Variants in EDARADD observed in about 807,000 individuals in gnomAD.
EDARADD encodes the protein ectodysplasin-A receptor-associated adapter protein.
A neutral mutation model predicts 25.6 loss-of-function variants in EDARADD; 20 were observed. That is an observed-to-expected ratio of 0.78 (90% CI 0.55 to 1.14). EDARADD has a LOEUF of 1.14. EDARADD is among the 50% of genes most tolerant of loss of function. EDARADD has a pLI of 0.00. For synonymous variants in EDARADD, 86 were observed against 94.4 expected (o/e 0.91, Z 0.52); for missense variants, 225 against 270.1 (o/e 0.83, Z 1.17).
chr1:236,402,549 C>G (rs1667632056), intron 1 of EDARADD, among the ~76,000 whole-genome samples: 1 of 151,962 alleles, frequency 6.6e-6, no homozygotes. Flanking sequence ...AGAGTGAAAC[C>G]CTGTCTCAAA....
rs1182513397 is a variant in EDARADD at position 236,394,421 on chromosome 1, TAAG to T, written c.-20_-18del. ...TCTTCCATGGCAAACTCCAGAGAAT[TAAG>T]AAGCCAAACTCAACATCGCCATGGG... On this transcript the variant is annotated 5_prime_UTR_variant, in exon 1 of 6. Transcript: ENST00000334232. The T allele has an allele frequency of 1.2e-6, 2 of 1,613,932 alleles. No homozygotes were observed. The highest frequency in any genetic ancestry group is 1.7e-6 in the Non-Finnish European group (2 of 1,179,834).
intron 4 of EDARADD, among the ~76,000 whole-genome samples, chr1:236,453,824 G>T (rs1385027655): frequency 1.3e-5 from 2 of 152,124 alleles, no homozygotes; most frequent in Admixed American, 6.5e-5. Flanking sequence ...TATCCCCATT[G>T]TTAAGGGACA....
chr1:236,483,139 T>C lies in EDARADD; in HGVS notation c.*490T>C, dbSNP rs879127370. ...CACCCTCCACTTCTCTCCTAGGCAA[T>C]GAGACCCAGTGGCTAGAAATTCACC... On this transcript the variant is annotated 3_prime_UTR_variant, in exon 6 of 6. Coordinates refer to ENST00000334232, the MANE Select transcript of EDARADD (RefSeq NM_145861.4). 1.4e-6 allele frequency: 2 copies of C among 1,445,832 alleles called. No homozygotes were observed. Among genetic ancestry groups the C allele is most frequent in the South Asian group, 1.1e-5 (1 of 87,502 alleles). 89.6% of individuals were successfully genotyped at this position (1,445,832 alleles called of 1,614,324 possible).
chr1:236,395,502 C>G lies in EDARADD; in HGVS notation c.61+997C>G. On this transcript the variant is annotated intron_variant, in intron 1 of 5. Transcript: ENST00000334232. The surrounding 1 kb of genome is among the most constrained non-coding windows in gnomAD (Gnocchi z 6.9). ...GAAGGCGGAGGAGGGCAGGGGCGCG[C>G]AGAGCCACGGTTTGCTCCAGGCGCG... 2 of 1,525,442 alleles carry G rather than the reference C, an allele frequency of 1.3e-6. No individual in the cohort carries two copies. Among genetic ancestry groups the G allele is most frequent in the Non-Finnish European group, 1.8e-6 (2 of 1,140,218 alleles). The allele number at this position is 1,525,442 out of a possible 1,614,324, so 94.5% of individuals were successfully genotyped here. A position where few individuals can be genotyped will look rare whatever the true frequency, so the allele number is the denominator to read the frequency against.
At chr1:236,409,721 C>A (rs1218294593) in intron 2 of EDARADD, among the ~76,000 whole-genome samples, 2 of 151,042 alleles carry the variant, frequency 1.3e-5, no homozygotes, top group Non-Finnish European at 2.9e-5. Context: ...GCCACCATGC[C>A]TGGCTAATTT....
At chr1:236,459,121 A>T (rs1445048683) in intron 4 of EDARADD, among the ~76,000 whole-genome samples, 1 of 152,066 alleles carries the variant, frequency 6.6e-6, no homozygotes, top group Non-Finnish European at 1.5e-5. Flanking sequence ...GTGTCTGTGG[A>T]TGCATTTCCT....
In EDARADD at chr1:236,484,664, C is replaced by T. The variant is rs1040484124; in HGVS notation, c.*2015C>T. 2.0e-5 allele frequency: 9 copies of T among 457,960 alleles called. No individual in the cohort carries two copies. Among genetic ancestry groups the T allele is most frequent in the East Asian group, 4.1e-5 (1 of 24,508 alleles). 28.4% of individuals were successfully genotyped at this position (457,960 alleles called of 1,614,324 possible). ...AGCAGGTTGCAGTGAGCCGAGATTG[C>T]GCCACTGCACACCAGTCTGGAGACA... is the stretch of plus-strand genomic sequence containing the variant. On this transcript the variant is annotated 3_prime_UTR_variant, in exon 6 of 6. Coordinates refer to ENST00000334232, the MANE Select transcript of EDARADD (RefSeq NM_145861.4). The surrounding 1 kb of genome is among the most constrained non-coding windows in gnomAD (Gnocchi z 4.1).
At chr1:236,364,235 C>A (rs932877928) in intron 3 of EDARADD, among the ~76,000 whole-genome samples, 3 of 152,048 alleles carry the variant, frequency 2.0e-5, no homozygotes, top group Non-Finnish European at 4.4e-5. Flanking sequence ...TATAGCAATG[C>A]GAGAATGAAC....
At chr1:236,381,115 T>C (rs1443039030) in intron 3 of EDARADD, among the ~76,000 whole-genome samples, 1 of 152,198 alleles carries the variant, frequency 6.6e-6, no homozygotes, top group Non-Finnish European at 1.5e-5. Flanking sequence ...CAGCTTTCTG[T>C]TATTATAAAT....
intron 3 of EDARADD, among the ~76,000 whole-genome samples, chr1:236,371,116 C>T (rs913031088): frequency 6.6e-6 from 1 of 152,168 alleles, no homozygotes; most frequent in African/African-American, 2.4e-5. Flanking sequence ...ATAGTACCCC[C>T]CAAGAAACAT....
intron 3 of EDARADD, among the ~76,000 whole-genome samples, chr1:236,381,800 G>GGTTTTTTTT (rs1558105353): frequency 5.3e-4 from 9 of 16,928 alleles, no homozygotes; most frequent in Non-Finnish European, 9.1e-4. Context: ...TCCTGTGGTT[G>GGTTTTTTTT]CTTTTTTTTT....
rs1439130177 is a variant in EDARADD at position 236,363,004 on chromosome 1, AAAATAT to A, written c.-6+12167_-6+12172del. 2.9e-4 allele frequency among the ~76,000 whole-genome samples: 17 copies of A among 58,402 alleles called. No homozygotes were observed. In the South Asian group the frequency reaches 5.0e-3, roughly 17 times the overall value. The allele number at this position is 58,402 out of a possible 152,430, so 38.3% of individuals were successfully genotyped here. ...TTTTTTAAGAAAAAAAAAAAAAAAA[AAAATAT>A]ATATATATATATATATATATATAAA... On this transcript the variant is annotated intron_variant, in intron 3 of 7. Transcript: ENST00000439430.
At chr1:236,424,713 TAGG>T (rs1484197597) in intron 3 of EDARADD, among the ~76,000 whole-genome samples, 1 of 152,114 alleles carries the variant, frequency 6.6e-6, no homozygotes, top group East Asian at 1.9e-4. Context: ...CCGGGGCTAC[TAGG>T]AGTTTTCCCT....
At chr1:236,476,682 C>T (rs1039974032) in intron 5 of EDARADD, among the ~76,000 whole-genome samples, 2 of 152,068 alleles carry the variant, frequency 1.3e-5, no homozygotes, top group African/African-American at 4.8e-5. Context: ...TGTGCCACCA[C>T]ACCCGGCTAA....
intron 3 of EDARADD, among the ~76,000 whole-genome samples, chr1:236,362,334 C>A (rs1163790454): frequency 6.6e-6 from 1 of 152,192 alleles, no homozygotes; most frequent in East Asian, 1.9e-4. Flanking sequence ...GCCTCCTTGC[C>A]ACCCATATAT....
At chr1:236,481,440 T>G (rs560154388) in intron 5 of EDARADD, among the ~76,000 whole-genome samples, 1 of 152,092 alleles carries the variant, frequency 6.6e-6, no homozygotes, top group South Asian at 2.1e-4. Flanking sequence ...TTCTTACTCC[T>G]TCTAGCAAAG....
At chr1:236,385,808 T>TTTAATCTATCCAAAGCTTA (rs1405509101) in intron 3 of EDARADD, among the ~76,000 whole-genome samples, 7 of 3,516 alleles carry the variant, frequency 2.0e-3, no homozygotes, top group African/African-American at 2.8e-3. Flanking sequence ...AAGTTAGCTC[T>TTTAATCTATCCAAAGCTTA]CTCCCTCTCC....
At chr1:236,354,604 C>G (rs999111883) in intron 3 of EDARADD, among the ~76,000 whole-genome samples, 7 of 152,174 alleles carry the variant, frequency 4.6e-5, no homozygotes, top group African/African-American at 1.7e-4. Flanking sequence ...GCTAAACTCC[C>G]TAACAGTAGG....
chr1:236,416,048 A>G (rs60958678), intron 3 of EDARADD, among the ~76,000 whole-genome samples: 58 of 151,730 alleles, frequency 3.8e-4, no homozygotes, highest in African/African-American at 1.4e-3. Flanking sequence ...TTCTCCCCCT[A>G]CTATTCCAGA....
Sources: allele counts gnomAD v4.1 joint callset (sites outside exome capture counted in the v4.1 genomes callset), GRCh38; gene constraint gnomAD v4.1.1; non-coding constraint Gnocchi (gnomAD v3.1); transcripts MANE v1.5; gene names NCBI Gene and HGNC (gene_info 2026-07-23, HGNC 2026-07-21).